The following EDARADD variants were observed in gnomAD, a reference collection of about 807,000 sequenced individuals.
The protein encoded by EDARADD is ectodysplasin-A receptor-associated adapter protein.
EDARADD carries 20 observed loss-of-function variants against 25.6 expected under a neutral mutation model. The observed-to-expected ratio is 0.78, with a 90% CI of 0.55 to 1.14. EDARADD has a LOEUF of 1.14. Ranked by LOEUF, EDARADD falls within the 50% of genes most tolerant of loss-of-function variation. The pLI is 0.00. For missense variants in EDARADD, 225 were observed against 270.1 expected (o/e 0.83, Z 1.17); for synonymous variants, 86 against 94.4 (o/e 0.91, Z 0.52).
intron 4 of EDARADD, among the ~76,000 whole-genome samples, chr1:236,440,976 G>T (rs981317995): frequency 6.6e-6 from 1 of 151,942 alleles, no homozygotes; most frequent in Non-Finnish European, 1.5e-5. Flanking sequence ...CAAATCAAAA[G>T]CTAGAAATAA....
intron 1 of EDARADD, among the ~76,000 whole-genome samples, chr1:236,396,997 G>C (rs78133413): frequency 6.6e-6 from 1 of 150,986 alleles, no homozygotes; most frequent in African/African-American, 2.4e-5. Context: ...AATTCAAAAA[G>C]ATCTTGAGAG....
intron 4 of EDARADD, among the ~76,000 whole-genome samples, chr1:236,447,233 C>CTTTCTTTCTTTTCTTTCTTT (rs59368020): frequency 9.6e-6 from 1 of 104,622 alleles, no homozygotes; most frequent in Non-Finnish European, 1.8e-5. Context: ...TCCTTTCTTT[C>CTTTCTTTCTTTTCTTTCTTT]CTTTCTTTCC....
Position 236,482,569 on chromosome 1 carries a change from G to A in EDARADD, c.568G>A (p.Asp190Asn), listed in dbSNP as rs748587639. The change falls in exon 6 of 6, where the codon GAC becomes AAC. Residue 190 changes from aspartate to asparagine, a missense_variant. By Grantham distance (23) the Asp-to-Asn change is conservative (BLOSUM62 1). Transcript: ENST00000334232. ...MELCRLYHRA[D>N]VEKVLRRWVD... ...GCTCTGCAGGCTCTACCACAGGGCCGACGTGGAGAAGGTTCTGCGCAGGTG... is the reference window on the plus strand; with the variant it reads ...GCTCTGCAGGCTCTACCACAGGGCCAACGTGGAGAAGGTTCTGCGCAGGTG... The A allele has an allele frequency of 7.4e-6, 12 of 1,613,472 alleles. No homozygotes were observed. The highest frequency in any genetic ancestry group is 6.7e-5 in the Admixed American group (4 of 59,984).
intron 4 of EDARADD, among the ~76,000 whole-genome samples, chr1:236,463,994 G>T (rs1401988992): frequency 3.3e-5 from 5 of 152,176 alleles, no homozygotes; most frequent in African/African-American, 1.2e-4. Context: ...TTTGGAGAAG[G>T]TGTCCTAGCA....
intron 3 of EDARADD, among the ~76,000 whole-genome samples, chr1:236,365,496 T>C (rs1667103656): frequency 6.6e-6 from 1 of 151,730 alleles, no homozygotes; most frequent in African/African-American, 2.4e-5. Flanking sequence ...AGAGACAGAG[T>C]TGCTCTCGCT....
rs187037669 is a variant in EDARADD at position 236,357,877 on chromosome 1, A to T, written c.-6+7038A>T. Among the ~76,000 whole-genome samples the T allele has an allele frequency of 3.1e-5, 4 of 127,528 alleles. No homozygotes were observed. The East Asian group carries it at 9.6e-4, about 31-fold the overall frequency. 83.7% of individuals were successfully genotyped at this position (127,528 alleles called of 152,430 possible). On this transcript the variant is annotated intron_variant, in intron 3 of 7. Transcript: ENST00000439430. ...CAAGGAAAGTAACTTTATTTTATTT[A>T]ATTTTTTTTTTTTGAGATGGAGTTT...
chr1:236,462,116 G>A (rs1659054331), intron 4 of EDARADD, among the ~76,000 whole-genome samples: 1 of 152,154 alleles, frequency 6.6e-6, no homozygotes, highest in Non-Finnish European at 1.5e-5. Flanking sequence ...AGAGTGGATT[G>A]GTTAACATCA....
chr1:236,470,321 A>G (rs1571955624), intron 5 of EDARADD, among the ~76,000 whole-genome samples: 1 of 152,350 alleles, frequency 6.6e-6, no homozygotes, highest in East Asian at 1.9e-4. Flanking sequence ...CCATATGCTC[A>G]TCTGAATTTT....
At chr1:236,365,107 G>T (rs1019746209) in intron 3 of EDARADD, among the ~76,000 whole-genome samples, 1 of 151,626 alleles carries the variant, frequency 6.6e-6, no homozygotes, top group Non-Finnish European at 1.5e-5. Context: ...TTGGTCAAAA[G>T]TTTTTCTGCA....
At chr1:236,382,270 C>T (rs1235238693) in intron 3 of EDARADD, among the ~76,000 whole-genome samples, 3 of 152,044 alleles carry the variant, frequency 2.0e-5, no homozygotes, top group Non-Finnish European at 4.4e-5. Context: ...ATCTTATCTG[C>T]CATTAATTCC....
At chr1:236,360,280 A>G (rs1431737308) in intron 3 of EDARADD, among the ~76,000 whole-genome samples, 1 of 152,086 alleles carries the variant, frequency 6.6e-6, no homozygotes, top group East Asian at 1.9e-4. Context: ...TGATTGAGCC[A>G]TTGCACTCCA....
intron 4 of EDARADD, among the ~76,000 whole-genome samples, chr1:236,463,379 C>T (rs1414206368): frequency 3.9e-5 from 6 of 152,094 alleles, no homozygotes; most frequent in Admixed American, 2.6e-4. Flanking sequence ...CTGCAACCTC[C>T]GCCTCCTAGG....
intron 4 of EDARADD, among the ~76,000 whole-genome samples, chr1:236,446,552 A>G (rs1171132449): frequency 2.0e-5 from 1 of 48,842 alleles, no homozygotes; most frequent in African/African-American, 5.9e-5. Context: ...ACTCCATCTC[A>G]AGAAAAAAAA....
At chr1:236,386,895 C>A (rs1572120216) in intron 3 of EDARADD, among the ~76,000 whole-genome samples, 1 of 72,320 alleles carries the variant, frequency 1.4e-5, no homozygotes, top group Non-Finnish European at 3.0e-5. Context: ...CCCCGCCCGG[C>A]CAGCCGTGCC....
chr1:236,479,792 T>C (rs940257024), intron 5 of EDARADD, among the ~76,000 whole-genome samples: 1 of 150,492 alleles, frequency 6.6e-6, no homozygotes, highest in African/African-American at 2.4e-5. Flanking sequence ...CTGCCCACAA[T>C]CTCGGTGCTT....
chr1:236,377,789 C>T (rs1667242358), intron 3 of EDARADD, among the ~76,000 whole-genome samples: 2 of 151,826 alleles, frequency 1.3e-5, no homozygotes. Flanking sequence ...ACCCGGGAGG[C>T]AGAGGTTGCA....
At chr1:236,403,788 G>A (rs531428154) in intron 1 of EDARADD, among the ~76,000 whole-genome samples, 7 of 152,164 alleles carry the variant, frequency 4.6e-5, no homozygotes, top group Non-Finnish European at 1.0e-4. Flanking sequence ...GCTCTCACCC[G>A]CAGCCTCTGT....
chr1:236,427,953 A>T (rs369278826), intron 4 of EDARADD, among the ~76,000 whole-genome samples: 67,075 of 149,550 alleles, frequency 0.45, 17,229 homozygotes, highest in Non-Finnish European at 0.59. Context: ...TAATTTTTTT[A>T]ATTTATTTAT....
Position 236,349,266 on chromosome 1 carries a change from G to T in EDARADD, c.-142+300G>T, listed in dbSNP as rs548697635. ...GGCTCACTGCAACTCCATCTCCCGG[G>T]TTCAAAGCGATTCTCTCCTGCCTCA... On this transcript the variant is annotated intron_variant, in intron 2 of 7. Coordinates refer to the EDARADD transcript ENST00000439430. 6.2e-4 allele frequency among the ~76,000 whole-genome samples: 82 copies of T among 133,048 alleles called. No homozygotes were observed. In the South Asian group the frequency reaches 0.018, roughly 30 times the overall value. 87.3% of individuals were successfully genotyped at this position (133,048 alleles called of 152,430 possible). A position where few individuals can be genotyped will look rare whatever the true frequency, so the allele number is the denominator to read the frequency against.
Sources: gnomAD v4.1 joint callset for allele counts (sites outside exome capture counted in the v4.1 genomes callset) on GRCh38, gnomAD v4.1.1 for gene constraint, MANE v1.5 for transcripts, NCBI Gene and HGNC (gene_info 2026-07-23, HGNC 2026-07-21) for gene names.